The following GRID1 variants were observed in gnomAD, a reference collection of about 807,000 sequenced individuals.
The protein encoded by GRID1 is glutamate receptor ionotropic, delta-1.
In GRID1, 28 loss-of-function variants were observed where a neutral mutation model predicts 98.0. The observed-to-expected ratio is 0.29, with a 90% CI of 0.21 to 0.39. The LOEUF is 0.39. Ranked by LOEUF, GRID1 falls within the 10% of genes least tolerant of loss-of-function variation. The pLI, the probability that GRID1 is intolerant of heterozygous loss-of-function variation, is 1.00. For synonymous variants in GRID1, 553 were observed against 538.5 expected, an observed-to-expected ratio of 1.03 and a Z score of -0.37; for missense variants, 1,111 against 1,340.5, an observed-to-expected ratio of 0.83 and a Z score of 2.67.
intron 5 of GRID1, among the ~76,000 whole-genome samples, chr10:85,889,428 T>C (rs1024100640): frequency 9.8e-5 from 15 of 152,348 alleles, no homozygotes; most frequent in Admixed American, 2.0e-4. Flanking sequence ...AGTGAGATTA[T>C]GCAGTAATGG....
chr10:85,757,926 C>T (rs1842114339), intron 8 of GRID1, among the ~76,000 whole-genome samples: 1 of 152,198 alleles, frequency 6.6e-6, no homozygotes, highest in African/African-American at 2.4e-5. Flanking sequence ...TAAGCTCCAA[C>T]CAGAACAGAA....
intron 4 of GRID1, among the ~76,000 whole-genome samples, chr10:86,100,345 A>G (rs1339689415): frequency 6.6e-6 from 1 of 151,988 alleles, no homozygotes; most frequent in African/African-American, 2.4e-5. Context: ...TCTTAGCATA[A>G]CCCTATTCAA....
intron 13 of GRID1, among the ~76,000 whole-genome samples, chr10:85,640,311 A>G (rs1014748254): frequency 1.3e-5 from 2 of 152,164 alleles, no homozygotes; most frequent in African/African-American, 4.8e-5. Flanking sequence ...AAAATCCCCA[A>G]TCCATACTCA....
rs184927395 is a variant in GRID1, at chr10:86,096,191, T to C, written c.726+42628A>G. Among the ~76,000 whole-genome samples, 524 of 152,010 alleles carry C rather than the reference T, an allele frequency of 3.4e-3. 1 individual carries two copies. The highest frequency in any genetic ancestry group is 5.9e-3 in the Non-Finnish European group (398 of 67,970). On this transcript the variant is annotated intron_variant, in intron 4 of 15. Transcript: ENST00000327946. ...GAATGATACAATGGACCTTGGGGACTTGGGGGGAAGAGTGAGAGGGGGCAA... is the reference window on the plus strand; with the variant it reads ...GAATGATACAATGGACCTTGGGGACCTGGGGGGAAGAGTGAGAGGGGGCAA...
chr10:85,811,813 G>A (rs1454846943), intron 8 of GRID1, among the ~76,000 whole-genome samples: 1 of 152,148 alleles, frequency 6.6e-6, no homozygotes, highest in Non-Finnish European at 1.5e-5. Flanking sequence ...AACTTCCCAA[G>A]TCTAGAAAGA....
At position 85,602,735 on chromosome 10, in the gene GRID1, C is replaced by A. The variant is rs755982393; in HGVS notation, c.2602-34G>T. ...AAGGCATAGGAAGGTCAGGTGGAGC[C>A]CTAACAGTGAGTCAAGGCTGGCTTG... On this transcript the variant is annotated intron_variant, in intron 15 of 15. Coordinates refer to ENST00000327946, the MANE Select transcript of GRID1 (RefSeq NM_017551.3). The A allele has an allele frequency of 1.1e-5, 17 of 1,525,646 alleles. No individual in the cohort carries two copies. In the Admixed American group the frequency reaches 2.5e-4, roughly 23 times the overall value. The allele number at this position is 1,525,646 out of a possible 1,614,324, so 94.5% of individuals were successfully genotyped here.
intron 3 of GRID1, among the ~76,000 whole-genome samples, chr10:86,156,226 C>T (rs977923333): frequency 5.3e-5 from 8 of 152,220 alleles, no homozygotes; most frequent in Admixed American, 5.2e-4. Context: ...CCTCTGGAAA[C>T]AGCTCCCTGC....
intron 13 of GRID1, chr10:85,646,402 A>G (rs1843191476): frequency 6.6e-6 from 1 of 152,380 alleles, no homozygotes; most frequent in Non-Finnish European, 1.5e-5. Flanking sequence ...ATCCCACCAC[A>G]TTCTTCTTCA....
intron 4 of GRID1, among the ~76,000 whole-genome samples, chr10:86,112,391 A>G (rs1844502302): frequency 6.6e-6 from 1 of 152,206 alleles, no homozygotes; most frequent in Non-Finnish European, 1.5e-5. Context: ...CACGTCAAGA[A>G]TCTCCAATTA....
chr10:85,908,782 C>A (rs944656894), intron 5 of GRID1, among the ~76,000 whole-genome samples: 1 of 151,994 alleles, frequency 6.6e-6, no homozygotes, highest in African/African-American at 2.4e-5. Flanking sequence ...AATTTCAAAT[C>A]GTATCGTAAA....
chr10:85,731,365 T>A (rs1451021024), intron 8 of GRID1, among the ~76,000 whole-genome samples: 2 of 151,746 alleles, frequency 1.3e-5, no homozygotes, highest in Non-Finnish European at 2.9e-5. Flanking sequence ...ACTAATTAAT[T>A]TGGGGGCATT....
At chr10:85,789,699 A>G (rs936143422) in intron 8 of GRID1, among the ~76,000 whole-genome samples, 1 of 152,178 alleles carries the variant, frequency 6.6e-6, no homozygotes, top group Non-Finnish European at 1.5e-5. Context: ...GGCTGGCTTC[A>G]GAACTGCCCA....
At chr10:86,184,929 T>C (rs1436329676) in intron 3 of GRID1, among the ~76,000 whole-genome samples, 2 of 152,200 alleles carry the variant, frequency 1.3e-5, no homozygotes, top group African/African-American at 4.8e-5. Flanking sequence ...CCTCCAAGTT[T>C]ATTCTTCCTT....
chr10:85,770,656 G>C (rs1482287603), intron 8 of GRID1, among the ~76,000 whole-genome samples: 3 of 152,186 alleles, frequency 2.0e-5, no homozygotes. Flanking sequence ...GAAAGCCAAG[G>C]CTCGAGAACT....
chr10:85,685,318 T>G (rs7071739), intron 12 of GRID1, among the ~76,000 whole-genome samples: 6,498 of 152,226 alleles, frequency 0.043, 170 homozygotes, highest in Middle Eastern at 0.048. Flanking sequence ...ATTTACAAGA[T>G]ATCATGAAAA....
chr10:85,623,544 G>C (rs1311081389), intron 13 of GRID1, among the ~76,000 whole-genome samples: 1 of 152,178 alleles, frequency 6.6e-6, no homozygotes, highest in Non-Finnish European at 1.5e-5. Context: ...GGGGGGCTGG[G>C]GGGAGGACAC....
chr10:86,214,723 A>C (rs1846151219), intron 2 of GRID1, among the ~76,000 whole-genome samples: 1 of 152,086 alleles, frequency 6.6e-6, no homozygotes, highest in Non-Finnish European at 1.5e-5. Flanking sequence ...AGAAAAATTT[A>C]CTGGGCATGG....
At chr10:85,982,482 C>T (rs995966557) in intron 4 of GRID1, among the ~76,000 whole-genome samples, 9 of 152,112 alleles carry the variant, frequency 5.9e-5, no homozygotes, top group East Asian at 3.9e-4. Flanking sequence ...ATCCCGAGGA[C>T]GCCTGTGGCC....
intron 4 of GRID1, among the ~76,000 whole-genome samples, chr10:86,022,705 G>T (rs943975587): frequency 6.6e-6 from 1 of 151,994 alleles, no homozygotes; most frequent in Non-Finnish European, 1.5e-5. Flanking sequence ...ATCACCCAAG[G>T]TCAGGAGTTC....
Sources: gnomAD v4.1 joint callset for allele counts (sites outside exome capture counted in the v4.1 genomes callset) on GRCh38, gnomAD v4.1.1 for gene constraint, MANE v1.5 for transcripts, NCBI Gene and HGNC (gene_info 2026-07-23, HGNC 2026-07-21) for gene names.